The following CARM1 variants were observed in gnomAD, a reference collection of about 807,000 sequenced individuals.
CARM1 encodes coactivator associated arginine methyltransferase 1, also known as histone-arginine methyltransferase CARM1.
In CARM1, 14 loss-of-function variants were observed where a neutral mutation model predicts 72.7. The ratio of observed to expected loss-of-function variants is 0.19; its 90% confidence interval spans 0.13 to 0.30. The LOEUF (loss-of-function observed/expected upper bound fraction) is 0.30. Among genes scored for constraint, CARM1 ranks in the 10% least tolerant of loss-of-function variants. The pLI is 1.00. For missense variants in CARM1, 432 were observed against 833.7 expected (o/e 0.52, Z 5.93); for synonymous variants, 333 against 345.5 (o/e 0.96, Z 0.40).
chr19:10,912,105 C>T lies in CARM1; in HGVS notation c.559-79C>T. 1.0e-6 allele frequency: 1 copy of T among 996,758 alleles called. No individual in the cohort carries two copies. 61.7% of individuals were successfully genotyped at this position (996,758 alleles called of 1,614,324 possible). ...GTGAAGACAGACGCCTCATGATGTG[C>T]ACATCCCTTATGATCACTGTCACCT... is the stretch of plus-strand genomic sequence containing the variant. On this transcript the variant is annotated intron_variant, in intron 4 of 15. Coordinates refer to ENST00000327064, the MANE Select transcript of CARM1 (RefSeq NM_199141.2). The surrounding 1 kb of genome is among the most constrained non-coding windows in gnomAD (Gnocchi z 4.5).
At chr19:10,907,970 C>G (rs531632719) in intron 2 of CARM1, 69 bp from the exon 3 acceptor site, 70 of 927,884 alleles carry the variant, frequency 7.5e-5, no homozygotes, top group Non-Finnish European at 1.2e-4. Flanking sequence ...CCATCCAGAA[C>G]CTTCCCTCCC....
In CARM1 at chr19:10,871,959, G is replaced by A. The variant is rs2073822053; in HGVS notation, c.220+37G>A. On this transcript the variant is annotated intron_variant, in intron 1 of 15. Coordinates refer to ENST00000327064, the MANE Select transcript of CARM1 (RefSeq NM_199141.2). This position sits in a 1 kb window ranked among gnomAD's most constrained non-coding sequence, Gnocchi z 5.6. ...GCCCCGGGGCAGGCGCAGGGCCGGG[G>A]CTGCTCACGAGGCCGGCCCGGGGCG... is the stretch of plus-strand genomic sequence containing the variant. The A allele has an allele frequency of 3.4e-6, 4 of 1,171,192 alleles. No individual in the cohort carries two copies. Among genetic ancestry groups the A allele is most frequent in the Non-Finnish European group, 4.2e-6 (4 of 948,568 alleles). 72.5% of individuals were successfully genotyped at this position (1,171,192 alleles called of 1,614,324 possible).
chr19:10,875,314 C>T (rs536499127), intron 1 of CARM1, among the ~76,000 whole-genome samples: 1 of 152,106 alleles, frequency 6.6e-6, no homozygotes, highest in African/African-American at 2.4e-5. Context: ...ACTCCTGTGT[C>T]TTGTGTCCTC....
rs2074160367 is a variant in CARM1 at position 10,912,585 on chromosome 19, G to A, written c.669+291G>A. ...AAAACATAAAAGCTAAAAAAGAGCAGACAGCGTGCTCTCCTTCCCCACCCC... is the reference window on the plus strand; with the variant it reads ...AAAACATAAAAGCTAAAAAAGAGCAAACAGCGTGCTCTCCTTCCCCACCCC... On this transcript the variant is annotated intron_variant, in intron 5 of 15. Coordinates refer to ENST00000327064, the MANE Select transcript of CARM1 (RefSeq NM_199141.2). This position sits in a 1 kb window ranked among gnomAD's most constrained non-coding sequence, Gnocchi z 4.5. 6.6e-6 allele frequency among the ~76,000 whole-genome samples: 1 copy of A among 150,876 alleles called. No individual in the cohort carries two copies. Among genetic ancestry groups the A allele is most frequent in the African/African-American group, 2.4e-5 (1 of 40,906 alleles).
intron 1 of CARM1, among the ~76,000 whole-genome samples, chr19:10,892,982 G>A (rs1431510748): frequency 2.6e-5 from 4 of 152,052 alleles, no homozygotes; most frequent in Non-Finnish European, 5.9e-5. Flanking sequence ...TGATCCACCC[G>A]CCTCAGCCTC....
chr19:10,887,519 G>A (rs2146312394), intron 1 of CARM1, among the ~76,000 whole-genome samples: 1 of 152,296 alleles, frequency 6.6e-6, no homozygotes, highest in East Asian at 1.9e-4. Context: ...CTGGGACCTG[G>A]CAGAGGGCCT....
chr19:10,874,927 G>A (rs942693580), intron 1 of CARM1, among the ~76,000 whole-genome samples: 1 of 152,076 alleles, frequency 6.6e-6, no homozygotes, highest in African/African-American at 2.4e-5. Context: ...CGGAGGATGA[G>A]GTGGGAGGAT....
intron 1 of CARM1, among the ~76,000 whole-genome samples, chr19:10,890,764 TACACACAC>T (rs201011195): frequency 1.5e-5 from 1 of 67,770 alleles, no homozygotes; most frequent in Non-Finnish European, 2.7e-5. Flanking sequence ...CACACACATA[TACACACAC>T]ACATATATAT....
intron 1 of CARM1, among the ~76,000 whole-genome samples, chr19:10,904,153 G>A (rs1166481050): frequency 6.6e-6 from 1 of 152,220 alleles, no homozygotes; most frequent in Non-Finnish European, 1.5e-5. Flanking sequence ...CCTGTTCAAG[G>A]AGACCAGGCT....
chr19:10,921,203 G>T (rs1233519731), intron 14 of CARM1, 76 bp downstream of exon 14: 1 of 1,509,754 alleles, frequency 6.6e-7, no homozygotes, highest in South Asian at 1.1e-5. Flanking sequence ...GGCCTGTGGT[G>T]ACCAGGGTCG....
Position 10,913,357 on chromosome 19 carries a change from G to A in CARM1, c.670-520G>A, listed in dbSNP as rs140565837. The stretch of plus-strand genomic sequence containing the variant: ...GCGGATCACCTGAGGTCAAGAGTTC[G>A]AGACCAGCCTGACCAACGTGGCAAA... On this transcript the variant is annotated intron_variant, in intron 5 of 15. Coordinates refer to ENST00000327064, the MANE Select transcript of CARM1 (RefSeq NM_199141.2). Among the ~76,000 whole-genome samples, 1,107 of 151,964 alleles carry A rather than the reference G, an allele frequency of 7.3e-3. 7 individuals are homozygous for A. The highest frequency in any genetic ancestry group is 0.058 in the Middle Eastern group (17 of 294).
rs1284602241 is a variant in CARM1, at chr19:10,915,572, C to T, written c.848-835C>T. 2.6e-5 allele frequency among the ~76,000 whole-genome samples: 4 copies of T among 152,122 alleles called. No homozygotes were observed. Among genetic ancestry groups the T allele is most frequent in the South Asian group, 2.1e-4 (1 of 4,830 alleles). ...CCCCCAGGTCCCCCAGGGCAGAAGC[C>T]GCAGCATGTGCATCTCCCTCCCCGT... On this transcript the variant is annotated intron_variant, in intron 6 of 15. Coordinates refer to ENST00000327064, the MANE Select transcript of CARM1 (RefSeq NM_199141.2). The surrounding 1 kb of genome is among the most constrained non-coding windows in gnomAD (Gnocchi z 4.6).
Position 10,871,583 on chromosome 19 carries a change from A to AGCG in CARM1, c.-117_-115dup, listed in dbSNP as rs1179936865. The AGCG allele has an allele frequency of 1.7e-3, 132 of 76,410 alleles. No homozygotes were observed. Among genetic ancestry groups the AGCG allele is most frequent in the South Asian group, 6.6e-3 (14 of 2,134 alleles). The allele number at this position is 76,410 out of a possible 1,614,324, so 4.7% of individuals were successfully genotyped here. A position where few individuals can be genotyped will look rare whatever the true frequency, so the allele number is the denominator to read the frequency against. On this transcript the variant is annotated 5_prime_UTR_variant, in exon 1 of 16. Coordinates refer to ENST00000327064, the MANE Select transcript of CARM1 (RefSeq NM_199141.2). The surrounding 1 kb of genome is among the most constrained non-coding windows in gnomAD (Gnocchi z 5.6). Reference sequence around the variant, plus strand: ...CCTGCACGGCGGCTGCGGCGGCGGTAGCGGCAGCGGCGGCGGCGGCGGCGG... The same window carrying AGCG: ...CCTGCACGGCGGCTGCGGCGGCGGTAGCGGCGGCAGCGGCGGCGGCGGCGGCGG...
chr19:10,886,139 C>G (rs1031426790), intron 1 of CARM1, among the ~76,000 whole-genome samples: 18 of 151,744 alleles, frequency 1.2e-4, no homozygotes, highest in Admixed American at 8.5e-4. Flanking sequence ...TCACCACAAC[C>G]TCCACCTCCT....
Position 10,920,408 on chromosome 19 carries a change from CAAGT to C in CARM1, c.1197-26_1197-23del, listed in dbSNP as rs1287501957. 1 of 1,596,356 alleles carries C rather than the reference CAAGT, an allele frequency of 6.3e-7. No homozygotes were observed. Among genetic ancestry groups the C allele is most frequent in the Non-Finnish European group, 8.6e-7 (1 of 1,166,656 alleles). ...GCTCCAGTGGTGGCGCCGGCCCAGTCAAGTATGTGCCTGTCCCTGCTCCACAGAA... is the reference window on the plus strand; with the variant it reads ...GCTCCAGTGGTGGCGCCGGCCCAGTCATGTGCCTGTCCCTGCTCCACAGAA... On this transcript the variant is annotated intron_variant, in intron 10 of 15. Transcript: ENST00000327064. This position sits in a 1 kb window ranked among gnomAD's most constrained non-coding sequence, Gnocchi z 5.3.
At chr19:10,877,835 C>T (rs1197405329) in intron 1 of CARM1, among the ~76,000 whole-genome samples, 1 of 152,208 alleles carries the variant, frequency 6.6e-6, no homozygotes, top group Non-Finnish European at 1.5e-5. Context: ...TCAAGCGATT[C>T]TCCTGTCTCA....
chr19:10,902,294 T>C (rs192599580), intron 1 of CARM1, among the ~76,000 whole-genome samples: 6,168 of 95,276 alleles, frequency 0.065, 163 homozygotes, highest in Middle Eastern at 0.15. Flanking sequence ...TTGTTTCTTT[T>C]TTTTTTTTTT....
At position 10,888,471 on chromosome 19, in the gene CARM1, C is replaced by T. The variant is rs138815040; in HGVS notation, c.221-16480C>T. Among the ~76,000 whole-genome samples, 7 of 152,284 alleles carry T rather than the reference C, an allele frequency of 4.6e-5. No individual in the cohort carries two copies. The East Asian group carries it at 9.7e-4, about 21-fold the overall frequency. On this transcript the variant is annotated intron_variant, in intron 1 of 15. Coordinates refer to ENST00000327064, the MANE Select transcript of CARM1 (RefSeq NM_199141.2). ...CCTGGAGGGTGGTTTGAGCACTAAC[C>T]GAGGCCCTGCACAGCCAACACCTAA... is the stretch of plus-strand genomic sequence containing the variant.
Position 10,909,147 on chromosome 19 carries a change from C to T in CARM1, c.498C>T (p.Tyr166=), listed in dbSNP as rs774776177. Reference sequence around the variant, plus strand: ...AGCAGCAGAACATGATGCAGGACTACGTGCGGACAGGCACCTACCAGCGCG... The same window carrying T: ...AGCAGCAGAACATGATGCAGGACTATGTGCGGACAGGCACCTACCAGCGCG... ...LSQQQNMMQD[Y]VRTGTYQRAI... is the part of the protein sequence containing the mutation. Residue 166 remains tyrosine, a synonymous_variant, in exon 4 of 16, where the codon TAC becomes TAT. Transcript: ENST00000327064. 4.7e-5 allele frequency: 76 copies of T among 1,613,658 alleles called. No homozygotes were observed. The highest frequency in any genetic ancestry group is 6.1e-5 in the Non-Finnish European group (72 of 1,179,832).
Sources: gnomAD v4.1 joint callset for allele counts (sites outside exome capture counted in the v4.1 genomes callset) on GRCh38, gnomAD v4.1.1 for gene constraint, Gnocchi (gnomAD v3.1) non-coding constraint, MANE v1.5 for transcripts, NCBI Gene and HGNC (gene_info 2026-07-23, HGNC 2026-07-21) for gene names.